The following HLA-DMB variants were observed in gnomAD, a reference collection of about 807,000 sequenced individuals.
The protein encoded by HLA-DMB is major histocompatibility complex, class II, DM beta.
HLA-DMB carries 18 observed loss-of-function variants against 29.3 expected under a neutral mutation model. The ratio of observed to expected loss-of-function variants is 0.62; its 90% CI spans 0.43 to 0.91. HLA-DMB has a LOEUF of 0.91. HLA-DMB is among the 40% of genes least tolerant of loss of function. The pLI, the probability that HLA-DMB is intolerant of heterozygous loss-of-function variation, is 0.00. For missense variants in HLA-DMB, 258 were observed against 320.9 expected (o/e 0.80, Z 1.50); for synonymous variants, 143 against 128.7 (o/e 1.11, Z -0.75).
At position 32,934,751 on chromosome 6, in the gene HLA-DMB, A is replaced by G. The variant is rs1775898676; in HGVS notation, c.*220T>C. The G allele has an allele frequency of 1.0e-5, 6 of 594,592 alleles. No individual in the cohort carries two copies. Among genetic ancestry groups the G allele is most frequent in the Non-Finnish European group, 1.8e-5 (6 of 335,658 alleles). 36.8% of individuals were successfully genotyped at this position (594,592 alleles called of 1,614,324 possible). Reference sequence around the variant, plus strand: ...CTCAGATTATATTCATCCCAGAAATATAGCCTTGGACAATAATTTGGTTAC... The same window carrying G: ...CTCAGATTATATTCATCCCAGAAATGTAGCCTTGGACAATAATTTGGTTAC... On this transcript the variant is annotated 3_prime_UTR_variant, in exon 6 of 6. Coordinates refer to ENST00000418107, the MANE Select transcript of HLA-DMB (RefSeq NM_002118.5).
rs1044113265 is a variant in HLA-DMB, at chr6:32,937,376, A to G, written c.418T>C (p.Phe140Leu). Reference sequence around the variant, plus strand: ...GTGATAGTCACTTCTGCTGGATAGAAGCCCCACACATAGCAGGCCAGCATC... The same window carrying G: ...GTGATAGTCACTTCTGCTGGATAGAGGCCCCACACATAGCAGGCCAGCATC... Reference protein sequence around the residue: ...PVMLACYVWGFYPAEVTITWR... With the variant: ...PVMLACYVWGLYPAEVTITWR... The change falls in exon 3 of 6, where the codon TTC becomes CTC. Residue 140 changes from phenylalanine to leucine, a missense_variant. Phe to Leu is a conservative substitution (Grantham distance 22, BLOSUM62 0). Coordinates refer to ENST00000418107, the MANE Select transcript of HLA-DMB (RefSeq NM_002118.5). The surrounding 1 kb of genome is among the most constrained non-coding windows in gnomAD (Gnocchi z 4.1). The G allele has an allele frequency of 6.2e-7, 1 of 1,614,206 alleles. No homozygotes were observed. Among genetic ancestry groups the G allele is most frequent in the Non-Finnish European group, 8.5e-7 (1 of 1,180,028 alleles).
chr6:32,937,140 A>T lies in HLA-DMB; in HGVS notation c.622+32T>A, dbSNP rs770010867. The T allele has an allele frequency of 1.3e-6, 2 of 1,529,238 alleles. No individual in the cohort carries two copies. The highest frequency in any genetic ancestry group is 3.9e-5 in the Admixed American group (2 of 50,772). The allele number at this position is 1,529,238 out of a possible 1,614,324, so 94.7% of individuals were successfully genotyped here. A position where few individuals can be genotyped will look rare whatever the true frequency, so the allele number is the denominator to read the frequency against. On this transcript the variant is annotated intron_variant, in intron 3 of 5. Transcript: ENST00000418107. The surrounding 1 kb of genome is among the most constrained non-coding windows in gnomAD (Gnocchi z 4.1). ...TCCACATCTCATTTTCTCTGCTTTG[A>T]CCCTAATTCCATCCATCTGCCATAC...
At position 32,937,153 on chromosome 6, in the gene HLA-DMB, C is replaced by A; in HGVS notation, c.622+19G>T. The stretch of plus-strand genomic sequence containing the variant: ...TTCTCTGCTTTGACCCTAATTCCAT[C>A]CATCTGCCATACACTTACTCCAGTC... On this transcript the variant is annotated intron_variant, in intron 3 of 5. Coordinates refer to ENST00000418107, the MANE Select transcript of HLA-DMB (RefSeq NM_002118.5). The surrounding 1 kb of genome is among the most constrained non-coding windows in gnomAD (Gnocchi z 4.1). 1 of 1,550,316 alleles carries A rather than the reference C, an allele frequency of 6.5e-7. No homozygotes were observed. The highest frequency in any genetic ancestry group is 8.7e-7 in the Non-Finnish European group (1 of 1,144,028).
intron 2 of HLA-DMB, chr6:32,938,278 T>A (rs985942289): frequency 5.6e-6 from 1 of 178,192 alleles, no homozygotes; most frequent in African/African-American, 2.4e-5. Flanking sequence ...CTTCAAGCCA[T>A]TGTCAATGCA....
At chr6:32,938,606 G>A (rs1488991543) in intron 2 of HLA-DMB, 78 bp downstream of exon 2, 21 of 1,322,154 alleles carry the variant, frequency 1.6e-5, no homozygotes, top group Non-Finnish European at 2.1e-5. Context: ...TCAAACCCCT[G>A]GGCCACTGTG....
At chr6:32,938,464 G>A (rs746127411) in intron 2 of HLA-DMB, 23 of 417,426 alleles carry the variant, frequency 5.5e-5, no homozygotes, top group Middle Eastern at 3.4e-4. Flanking sequence ...ATGGCACCTC[G>A]CGGTTCAAGC....
chr6:32,937,350 C>T lies in HLA-DMB; in HGVS notation c.444G>A (p.Thr148=), dbSNP rs145745508. 74 of 1,614,208 alleles carry T rather than the reference C, an allele frequency of 4.6e-5. No individual in the cohort carries two copies. The Admixed American group carries it at 8.3e-4, about 18-fold the overall frequency. The change falls in exon 3 of 6, where the codon ACG becomes ACA. Residue 148 remains threonine (T), a synonymous_variant. Transcript: ENST00000418107. The surrounding 1 kb of genome is among the most constrained non-coding windows in gnomAD (Gnocchi z 4.1). The part of the protein sequence containing the change: ...WGFYPAEVTI[T]WRKNGKLVMP... ...TGACAAGCTTCCCGTTCTTCCTCCA[C>T]GTGATAGTCACTTCTGCTGGATAGA...
At position 32,941,017 on chromosome 6, in the gene HLA-DMB, CG is replaced by C; in HGVS notation, c.-211del. 1 of 514,660 alleles carries C rather than the reference CG, an allele frequency of 1.9e-6. No homozygotes were observed. The highest frequency in any genetic ancestry group is 3.5e-6 in the Non-Finnish European group (1 of 283,880). The allele number at this position is 514,660 out of a possible 1,614,324, so 31.9% of individuals were successfully genotyped here. A position where few individuals can be genotyped will look rare whatever the true frequency, so the allele number is the denominator to read the frequency against. ...TATTAAATCTGTTCCTTCCAGCTCACGGGAGTCCAGTGTCCCAAACAGGGAC... is the reference window on the plus strand; with the variant it reads ...TATTAAATCTGTTCCTTCCAGCTCACGGAGTCCAGTGTCCCAAACAGGGAC... On this transcript the variant is annotated 5_prime_UTR_variant, in exon 1 of 6. Coordinates refer to ENST00000418107, the MANE Select transcript of HLA-DMB (RefSeq NM_002118.5). This position sits in a 1 kb window ranked among gnomAD's most constrained non-coding sequence, Gnocchi z 5.2.
At chr6:32,939,133 T>C (rs1007994196) in intron 1 of HLA-DMB, among the ~76,000 whole-genome samples, 168 bp from the exon 2 acceptor site, 2 of 152,206 alleles carry the variant, frequency 1.3e-5, no homozygotes, top group Non-Finnish European at 2.9e-5. Context: ...GTTCCTGACA[T>C]AGAGTGCCTA....
Position 32,937,299 on chromosome 6 carries a change from A to C in HLA-DMB, c.495T>G (p.Thr165=), listed in dbSNP as rs774666172. ...ATGTCCAGTCTCCATTGGGCTGGGC[A>C]GTCTTGTGCGCACTGCTGTGAGGCA... ...LVMPHSSAHK[T]AQPNGDWTYQ... Residue 165 remains threonine (T), a synonymous_variant, in exon 3 of 6, where the codon ACT becomes ACG. Coordinates refer to ENST00000418107, the MANE Select transcript of HLA-DMB (RefSeq NM_002118.5). The surrounding 1 kb of genome is among the most constrained non-coding windows in gnomAD (Gnocchi z 4.1). The C allele has an allele frequency of 1.2e-6, 2 of 1,614,146 alleles. No homozygotes were observed. The highest frequency in any genetic ancestry group is 1.7e-6 in the Non-Finnish European group (2 of 1,180,016).
At position 32,937,036 on chromosome 6, in the gene HLA-DMB, G is replaced by T; in HGVS notation, c.622+136C>A. ...TTCTTTATCCCATTTCCCCATTCTG[G>T]TCCTAAGCCCCCCGTAAGTTCCTCC... On this transcript the variant is annotated intron_variant, in intron 3 of 5. Coordinates refer to ENST00000418107, the MANE Select transcript of HLA-DMB (RefSeq NM_002118.5). This position sits in a 1 kb window ranked among gnomAD's most constrained non-coding sequence, Gnocchi z 4.1. The T allele has an allele frequency of 1.6e-6, 1 of 627,626 alleles. No individual in the cohort carries two copies. Among genetic ancestry groups the T allele is most frequent in the African/African-American group, 1.8e-5 (1 of 54,224 alleles). The allele number at this position is 627,626 out of a possible 1,614,324, so 38.9% of individuals were successfully genotyped here.
rs1312227592 is a variant in HLA-DMB, at chr6:32,938,899, G to A, written c.122C>T (p.Thr41Ile). The change falls in exon 2 of 6, where the codon ACA (threonine) becomes ATA (isoleucine). Residue 41 changes from threonine to isoleucine, a missense_variant. Transcript: ENST00000418107. The stretch of plus-strand genomic sequence containing the variant: ...ATCCTTGTTGAAGGAGATGCAGTAT[G>A]TGAAATCCTTTGGAGTCCCAGCATC... ...LDDAGTPKDF[T>I]YCISFNKDLL... 2 of 1,610,698 alleles carry A rather than the reference G, an allele frequency of 1.2e-6. No homozygotes were observed. The highest frequency in any genetic ancestry group is 2.2e-5 in the South Asian group (2 of 90,770).
chr6:32,940,677 G>A, intron 1 of HLA-DMB, 76 bp downstream of exon 1: 3 of 1,116,860 alleles, frequency 2.7e-6, no homozygotes, highest in Non-Finnish European at 2.6e-6. Flanking sequence ...GGTGTCAAAT[G>A]CAATTACAAA....
At position 32,937,250 on chromosome 6, in the gene HLA-DMB, A is replaced by G; in HGVS notation, c.544T>C (p.Leu182=). The part of the protein sequence containing the change: ...WTYQTLSHLA[L]TPSYGDTYTC... ...TAAGTGTCCCCGTAAGAGGGGGTTAAGGCTAAATGGGAGAGGGTCTGGTAT... is the reference window on the plus strand; with the variant it reads ...TAAGTGTCCCCGTAAGAGGGGGTTAGGGCTAAATGGGAGAGGGTCTGGTAT... Residue 182 remains leucine (L), a synonymous_variant, in exon 3 of 6, where the codon TTA becomes CTA. Transcript: ENST00000418107. The surrounding 1 kb of genome is among the most constrained non-coding windows in gnomAD (Gnocchi z 4.1). 1 of 1,614,096 alleles carries G rather than the reference A, an allele frequency of 6.2e-7. No individual in the cohort carries two copies.
rs1408011042 is a variant in HLA-DMB, at chr6:32,937,598, A to G, written c.338-142T>C. 1.5e-6 allele frequency: 1 copy of G among 674,668 alleles called. No individual in the cohort carries two copies. Among genetic ancestry groups the G allele is most frequent in the Non-Finnish European group, 2.5e-6 (1 of 395,778 alleles). 41.8% of individuals were successfully genotyped at this position (674,668 alleles called of 1,614,324 possible). A position where few individuals can be genotyped will look rare whatever the true frequency, so the allele number is the denominator to read the frequency against. On this transcript the variant is annotated intron_variant, in intron 2 of 5. Coordinates refer to ENST00000418107, the MANE Select transcript of HLA-DMB (RefSeq NM_002118.5). This position sits in a 1 kb window ranked among gnomAD's most constrained non-coding sequence, Gnocchi z 4.1. ...GCCCCCTCTGCCATGCTGCCCCTTGAAGGGGAACCGTTAGAATGTATTCCT... is the reference window on the plus strand; with the variant it reads ...GCCCCCTCTGCCATGCTGCCCCTTGGAGGGGAACCGTTAGAATGTATTCCT...
At position 32,938,834 on chromosome 6, in the gene HLA-DMB, G is replaced by A. The variant is rs749764146; in HGVS notation, c.187C>T (p.Pro63Ser). Reference protein sequence around the residue: ...CWDPEENKMAPCEFGVLNSLA... With the variant: ...CWDPEENKMASCEFGVLNSLA... ...CTATTCAGCACCCCAAATTCGCAAG[G>A]GGCCATCTTATTCTCCTCTGGATCC... The change falls in exon 2 of 6, where the codon CCT becomes TCT. Residue 63 changes from proline to serine, a missense_variant. Pro to Ser is a moderately conservative substitution (Grantham distance 74). Transcript: ENST00000418107. 6.8e-6 allele frequency: 11 copies of A among 1,611,960 alleles called. No individual in the cohort carries two copies. Among genetic ancestry groups the A allele is most frequent in the East Asian group, 2.2e-5 (1 of 44,786 alleles).
At position 32,938,829 on chromosome 6, in the gene HLA-DMB, G is replaced by A. The variant is rs780410761; in HGVS notation, c.192C>T (p.Cys64=). The A allele has an allele frequency of 3.7e-6, 6 of 1,611,974 alleles. No homozygotes were observed. The highest frequency in any genetic ancestry group is 1.1e-5 in the South Asian group (1 of 90,962). ...CCAAGCTATTCAGCACCCCAAATTC[G>A]CAAGGGGCCATCTTATTCTCCTCTG... is the stretch of plus-strand genomic sequence containing the variant. ...WDPEENKMAP[C]EFGVLNSLAN... is the part of the protein sequence containing the mutation. The change falls in exon 2 of 6, where the codon TGC becomes TGT. Residue 64 remains cysteine (C), a synonymous_variant. Transcript: ENST00000418107.
intron 3 of HLA-DMB, 165 bp from the exon 4 acceptor site, chr6:32,935,817 C>T: frequency 3.2e-6 from 2 of 616,388 alleles, no homozygotes; most frequent in Non-Finnish European, 5.8e-6. Context: ...TCAAATCAAA[C>T]CCTCGTCCCA....
intron 3 of HLA-DMB, 46 bp from the exon 4 acceptor site, chr6:32,935,698 C>G: frequency 7.1e-7 from 1 of 1,401,496 alleles, no homozygotes; most frequent in Non-Finnish European, 1.0e-6. Context: ...GTTGCTCACC[C>G]CCAGGGCAAT....
Sources: gnomAD v4.1 joint callset for allele counts (sites outside exome capture counted in the v4.1 genomes callset) on GRCh38, gnomAD v4.1.1 for gene constraint, Gnocchi (gnomAD v3.1) non-coding constraint, MANE v1.5 for transcripts, NCBI Gene and HGNC (gene_info 2026-07-23, HGNC 2026-07-21) for gene names.